Variants in ANKS1B observed in about 807,000 individuals in gnomAD.
ANKS1B encodes ankyrin repeat and sterile alpha motif domain containing 1B, also known as ankyrin repeat and sterile alpha motif domain-containing protein 1B.
In ANKS1B, 36 loss-of-function variants were observed where a neutral mutation model predicts 148.3. The ratio of observed to expected loss-of-function variants is 0.24; its 90% CI spans 0.19 to 0.32. The LOEUF (loss-of-function observed/expected upper bound fraction) is 0.32, where lower values mean the gene tolerates loss of function less well. Among genes scored for constraint, ANKS1B ranks in the 10% least tolerant of loss-of-function variants. The probability of loss-of-function intolerance (pLI) is 1.00; values close to 1 mark genes in which losing one functional copy is unlikely to be tolerated. For synonymous variants in ANKS1B, 542 were observed against 560.8 expected (o/e 0.97, Z 0.47); for missense variants, 1,157 against 1,542.6 (o/e 0.75, Z 4.19).
intron 9 of ANKS1B, among the ~76,000 whole-genome samples, chr12:99,570,802 A>G (rs2097447813): frequency 6.6e-6 from 1 of 152,138 alleles, no homozygotes; most frequent in Non-Finnish European, 1.5e-5. Context: ...ATAAAAGTAT[A>G]TACAATGTAC....
At chr12:99,589,659 A>G (rs1234388105) in intron 9 of ANKS1B, among the ~76,000 whole-genome samples, 1 of 152,216 alleles carries the variant, frequency 6.6e-6, no homozygotes, top group Non-Finnish European at 1.5e-5. Context: ...TTTCTGAGCA[A>G]ATATAATAAA....
intron 17 of ANKS1B, among the ~76,000 whole-genome samples, chr12:98,874,930 C>CA (rs964395461): frequency 2.0e-5 from 3 of 152,234 alleles, no homozygotes; most frequent in African/African-American, 7.2e-5. Flanking sequence ...ATTTTAGGTT[C>CA]AAAAAGCTAA....
At chr12:99,494,509 G>A (rs910737842) in intron 10 of ANKS1B, among the ~76,000 whole-genome samples, 2 of 151,890 alleles carry the variant, frequency 1.3e-5, no homozygotes, top group African/African-American at 4.8e-5. Context: ...CGAGGTGGGC[G>A]GGTTACGAGG....
In ANKS1B at chr12:99,168,250, C is replaced by T. The variant is rs557182290; in HGVS notation, c.2420-13855G>A. ...TAAAAAGTTAAGCTGGGTGCAGTGG[C>T]TCACGCCTATAATCCCAGCACTTTG... On this transcript the variant is annotated intron_variant, in intron 14 of 26. Coordinates refer to ENST00000683438, the MANE Select transcript of ANKS1B (RefSeq NM_001352186.2). Among the ~76,000 whole-genome samples, 213 of 152,310 alleles carry T rather than the reference C, an allele frequency of 1.4e-3. 2 individuals are homozygous for T. Among genetic ancestry groups the T allele is most frequent in the African/African-American group, 5.0e-3 (207 of 41,562 alleles).
chr12:99,609,208 G>C (rs1166237443), intron 9 of ANKS1B, among the ~76,000 whole-genome samples: 2 of 151,952 alleles, frequency 1.3e-5, no homozygotes, highest in East Asian at 3.9e-4. Flanking sequence ...CACTTAAATT[G>C]ACTTTTCACC....
chr12:99,821,007 T>C (rs1565794075), intron 2 of ANKS1B, among the ~76,000 whole-genome samples: 1 of 152,032 alleles, frequency 6.6e-6, no homozygotes, highest in East Asian at 1.9e-4. Context: ...TACAAGTTCA[T>C]AGATTATTTA....
intron 15 of ANKS1B, among the ~76,000 whole-genome samples, chr12:99,089,085 AAAGT>A (rs1314865131): frequency 2.6e-5 from 4 of 151,894 alleles, no homozygotes; most frequent in Admixed American, 2.0e-4. Flanking sequence ...TCGGCCTCCC[AAAGT>A]GCTGGGATTA....
At chr12:99,477,841 T>G in intron 10 of ANKS1B, among the ~76,000 whole-genome samples, 1 of 152,116 alleles carries the variant, frequency 6.6e-6, no homozygotes, top group East Asian at 1.9e-4. Flanking sequence ...TATGATTAAC[T>G]TACATTTGAC....
intron 8 of ANKS1B, among the ~76,000 whole-genome samples, chr12:99,754,641 A>C (rs1360186060): frequency 1.3e-5 from 2 of 152,202 alleles, no homozygotes; most frequent in East Asian, 3.9e-4. Context: ...AAATCATAAC[A>C]AACAGTCTCT....
At chr12:98,867,730 C>T (rs926940731) in intron 17 of ANKS1B, among the ~76,000 whole-genome samples, 3 of 151,762 alleles carry the variant, frequency 2.0e-5, no homozygotes, top group African/African-American at 7.3e-5. Flanking sequence ...GGTGTGGTGG[C>T]GGGCACCTGT....
At chr12:99,400,956 A>G (rs1456257468) in intron 11 of ANKS1B, among the ~76,000 whole-genome samples, 1 of 145,738 alleles carries the variant, frequency 6.9e-6, no homozygotes, top group Non-Finnish European at 1.5e-5. Flanking sequence ...TCTAAAATAG[A>G]CAATCATATG....
At chr12:99,410,338 T>C (rs1039424883) in intron 11 of ANKS1B, among the ~76,000 whole-genome samples, 1 of 137,246 alleles carries the variant, frequency 7.3e-6, no homozygotes. Context: ...TCTGATCTTT[T>C]ATAAAAAAAA....
chr12:99,427,711 C>T (rs1424069249), intron 11 of ANKS1B, among the ~76,000 whole-genome samples: 1 of 152,174 alleles, frequency 6.6e-6, no homozygotes, highest in Non-Finnish European at 1.5e-5. Context: ...ATGATGAAGC[C>T]TGGTAAATAG....
chr12:99,603,936 T>G (rs2097827686), intron 9 of ANKS1B, among the ~76,000 whole-genome samples: 1 of 152,130 alleles, frequency 6.6e-6, no homozygotes, highest in African/African-American at 2.4e-5. Context: ...GTGGAAATTC[T>G]TACCTAGTCC....
At chr12:98,985,401 T>C (rs2099922696) in intron 17 of ANKS1B, among the ~76,000 whole-genome samples, 1 of 152,252 alleles carries the variant, frequency 6.6e-6, no homozygotes, top group East Asian at 1.9e-4. Flanking sequence ...TTAGTTTAGT[T>C]TCCCAACTTT....
chr12:99,814,823 G>T lies in ANKS1B; in HGVS notation c.216-2512C>A, dbSNP rs184341795. Among the ~76,000 whole-genome samples the T allele has an allele frequency of 2.7e-4, 41 of 151,846 alleles. No individual in the cohort carries two copies. The East Asian group carries it at 4.3e-3, about 16-fold the overall frequency. On this transcript the variant is annotated intron_variant, in intron 2 of 26. Coordinates refer to ENST00000683438, the MANE Select transcript of ANKS1B (RefSeq NM_001352186.2). ...AAAATTATATATACAATCAAAAGTT[G>T]TTCTCAAGGCAGATTGTTGCAATGT...
intron 9 of ANKS1B, among the ~76,000 whole-genome samples, chr12:99,549,144 T>TAG (rs956981184): frequency 6.6e-6 from 1 of 152,160 alleles, no homozygotes; most frequent in Non-Finnish European, 1.5e-5. Flanking sequence ...ATACAATAGT[T>TAG]AGAGAGCATC....
chr12:99,959,365 C>G (rs1031221863), intron 1 of ANKS1B, among the ~76,000 whole-genome samples: 1 of 151,532 alleles, frequency 6.6e-6, no homozygotes, highest in African/African-American at 2.4e-5. Flanking sequence ...GCGTGAGCCA[C>G]CATGCCTGGC....
At chr12:99,125,568 C>G (rs908928297) in intron 15 of ANKS1B, among the ~76,000 whole-genome samples, 2 of 152,072 alleles carry the variant, frequency 1.3e-5, no homozygotes, top group Admixed American at 6.5e-5. Context: ...CTGATTTAGG[C>G]AAGAGTTCTG....
Sources: gnomAD v4.1 joint callset for allele counts (sites outside exome capture counted in the v4.1 genomes callset) on GRCh38, gnomAD v4.1.1 for gene constraint, MANE v1.5 for transcripts, NCBI Gene and HGNC (gene_info 2026-07-23, HGNC 2026-07-21) for gene names.